Variants in CSGALNACT1 observed in about 807,000 individuals in gnomAD.
The protein encoded by CSGALNACT1 is chondroitin sulfate N-acetylgalactosaminyltransferase 1.
A neutral mutation model predicts 51.0 loss-of-function variants in CSGALNACT1; 52 were observed. The observed-to-expected ratio is 1.02, with a 90% CI of 0.82 to 1.29. The LOEUF (loss-of-function observed/expected upper bound fraction) is 1.29, where lower values mean the gene tolerates loss of function less well. Ranked by LOEUF, CSGALNACT1 falls within the 50% of genes most tolerant of loss-of-function variation. The probability of loss-of-function intolerance (pLI) is 0.00; values close to 1 mark genes in which losing one functional copy is unlikely to be tolerated. For missense variants in CSGALNACT1, 935 were observed against 679.2 expected (o/e 1.38, Z -4.19); for synonymous variants, 341 against 254.4 (o/e 1.34, Z -3.24).
At chr8:19,504,567 C>A (rs181047875) in intron 4 of CSGALNACT1, among the ~76,000 whole-genome samples, 8 of 152,214 alleles carry the variant, frequency 5.3e-5, no homozygotes, top group Non-Finnish European at 7.4e-5. Flanking sequence ...CTAGGCTGTC[C>A]TACGCCCGTG....
chr8:19,554,472 A>G (rs2089173982), intron 3 of CSGALNACT1, among the ~76,000 whole-genome samples: 2 of 152,244 alleles, frequency 1.3e-5, no homozygotes, highest in African/African-American at 4.8e-5. Flanking sequence ...ATGAAGGAAG[A>G]TATAAAATAG....
At chr8:19,554,244 A>AT (rs2089106786) in intron 3 of CSGALNACT1, among the ~76,000 whole-genome samples, 1 of 152,204 alleles carries the variant, frequency 6.6e-6, no homozygotes, top group Non-Finnish European at 1.5e-5. Flanking sequence ...CAGATTTATC[A>AT]TCAGCAACAC....
chr8:19,716,612 CAA>C (rs60464594), intron 1 of CSGALNACT1, among the ~76,000 whole-genome samples: 26 of 41,988 alleles, frequency 6.2e-4, no homozygotes, highest in South Asian at 3.1e-3. Context: ...ACCCTCTCTA[CAA>C]AAAAAAAAAA....
intron 8 of CSGALNACT1, 43 bp from the exon 8 acceptor site, chr8:19,408,737 G>A (rs1461361254): frequency 1.3e-6 from 2 of 1,566,040 alleles, no homozygotes; most frequent in South Asian, 2.2e-5. Flanking sequence ...GTTTAGGGTG[G>A]ACAAAAATAG....
intron 3 of CSGALNACT1, among the ~76,000 whole-genome samples, chr8:19,515,966 C>T (rs540932467): frequency 6.6e-6 from 1 of 152,238 alleles, no homozygotes; most frequent in African/African-American, 2.4e-5. Context: ...ACGCTTCTTC[C>T]AGCTGTAAGA....
intron 1 of CSGALNACT1, among the ~76,000 whole-genome samples, chr8:19,640,073 G>A (rs1437657987): frequency 2.0e-5 from 3 of 151,660 alleles, no homozygotes; most frequent in Non-Finnish European, 4.4e-5. Context: ...GATCCCACCT[G>A]CTGATGAGAC....
chr8:19,709,145 C>T (rs1473425991), intron 1 of CSGALNACT1, among the ~76,000 whole-genome samples: 22 of 152,182 alleles, frequency 1.4e-4, no homozygotes, highest in Non-Finnish European at 1.0e-4. Flanking sequence ...GAACGAGCTG[C>T]CAGCCTGTGT....
intron 1 of CSGALNACT1, among the ~76,000 whole-genome samples, chr8:19,667,022 AGGAAGGAAGGAAGGAAGGAAG>A (rs1407101287): frequency 2.8e-5 from 1 of 36,042 alleles, no homozygotes; most frequent in East Asian, 6.2e-4. Context: ...AAAGAAAGGA[AGGAAGGAAGGAAGGAAGGAAG>A]AAAGAAAGAA....
chr8:19,643,621 G>C (rs1357157931), intron 1 of CSGALNACT1, among the ~76,000 whole-genome samples: 1 of 149,192 alleles, frequency 6.7e-6, no homozygotes, highest in Non-Finnish European at 1.5e-5. Context: ...CTGGACAAGA[G>C]AGTGAGACAC....
chr8:19,447,445 C>G (rs2062333976), intron 5 of CSGALNACT1, among the ~76,000 whole-genome samples: 1 of 152,196 alleles, frequency 6.6e-6, no homozygotes, highest in African/African-American at 2.4e-5. Flanking sequence ...ACAGGCTGAT[C>G]TGAGGCCTGA....
rs10087317 is a variant in CSGALNACT1 at position 19,523,925 on chromosome 8, C to G, written c.-296-17795G>C. Reference sequence around the variant, plus strand: ...AAGAATCACAGAAGCTTCTGCAGAGCCTTTCAAGTTGAGTATTATTTGTTA... The same window carrying G: ...AAGAATCACAGAAGCTTCTGCAGAGGCTTTCAAGTTGAGTATTATTTGTTA... On this transcript the variant is annotated intron_variant, in intron 3 of 9. Coordinates refer to ENST00000454498, the Ensembl canonical transcript of CSGALNACT1. Among the ~76,000 whole-genome samples the G allele has an allele frequency of 6.0e-3, 908 of 152,260 alleles. 8 individuals are homozygous for G. Among genetic ancestry groups the G allele is most frequent in the African/African-American group, 0.021 (856 of 41,540 alleles).
chr8:19,546,462 TATGCCTCACTACTCTTCA>T (rs2086493696), intron 3 of CSGALNACT1, among the ~76,000 whole-genome samples: 3 of 152,314 alleles, frequency 2.0e-5, no homozygotes, highest in South Asian at 4.1e-4. Context: ...TTGAAATAAC[TATGCCTCACTACTCTTCA>T]ATGAAATAGG....
At chr8:19,598,551 A>G (rs1374225535) in intron 2 of CSGALNACT1, among the ~76,000 whole-genome samples, 1 of 152,246 alleles carries the variant, frequency 6.6e-6, no homozygotes, top group Non-Finnish European at 1.5e-5. Flanking sequence ...TTATTTACTT[A>G]TAACATCTGC....
At chr8:19,569,756 G>A (rs528179637) in intron 3 of CSGALNACT1, among the ~76,000 whole-genome samples, 20 of 152,232 alleles carry the variant, frequency 1.3e-4, no homozygotes, top group African/African-American at 4.1e-4. Flanking sequence ...CAGAAAGCAC[G>A]AACAAGGATA....
chr8:19,709,731 C>T (rs143565291), intron 1 of CSGALNACT1, among the ~76,000 whole-genome samples: 41 of 152,292 alleles, frequency 2.7e-4, no homozygotes, highest in African/African-American at 7.9e-4. Context: ...CCTGCCCCCC[C>T]GCCCAGAGTC....
At chr8:19,572,172 T>A (rs987765805) in intron 3 of CSGALNACT1, among the ~76,000 whole-genome samples, 5 of 152,200 alleles carry the variant, frequency 3.3e-5, no homozygotes, top group Non-Finnish European at 5.9e-5. Context: ...TTTCATATGC[T>A]TTTTAAACTT....
At chr8:19,421,686 T>C (rs1020224858) in intron 6 of CSGALNACT1, among the ~76,000 whole-genome samples, 2 of 152,380 alleles carry the variant, frequency 1.3e-5, no homozygotes, top group African/African-American at 2.4e-5. Flanking sequence ...AACGCAAACA[T>C]AGAGTCATAA....
At chr8:19,740,496 T>C (rs1307223155) in intron 1 of CSGALNACT1, among the ~76,000 whole-genome samples, 1 of 152,162 alleles carries the variant, frequency 6.6e-6, no homozygotes, top group Non-Finnish European at 1.5e-5. Context: ...AGTACCAGTG[T>C]TTTACTGTAT....
chr8:19,409,179 C>A (rs1466771328), intron 8 of CSGALNACT1, among the ~76,000 whole-genome samples: 1 of 152,170 alleles, frequency 6.6e-6, no homozygotes, highest in Non-Finnish European at 1.5e-5. Flanking sequence ...TGGCACGGTC[C>A]ACTCACAGGA....
Sources: allele counts gnomAD v4.1 joint callset (sites outside exome capture counted in the v4.1 genomes callset), GRCh38; gene constraint gnomAD v4.1.1; transcripts MANE v1.5; gene names NCBI Gene and HGNC (gene_info 2026-07-23, HGNC 2026-07-21).